The following UBR1 variants were observed in gnomAD, a reference collection of about 807,000 sequenced individuals.
The protein encoded by UBR1 is ubiquitin protein ligase E3 component n-recognin 1.
Under a neutral mutation model 242.1 loss-of-function variants are expected in UBR1, and 102 were observed. That is an observed-to-expected ratio of 0.42 (90% CI 0.36 to 0.50). The LOEUF (loss-of-function observed/expected upper bound fraction) is 0.50, where lower values mean the gene tolerates loss of function less well. Among genes scored for constraint, UBR1 ranks in the 20% least tolerant of loss-of-function variants. UBR1 has a pLI of 0.01. For missense variants in UBR1, 1,772 were observed against 2,101.8 expected, an observed-to-expected ratio of 0.84 and a Z score of 3.07; for synonymous variants, 675 against 684.8, an observed-to-expected ratio of 0.99 and a Z score of 0.22.
At chr15:42,954,139 CCT>C (rs946351510) in intron 44 of UBR1, among the ~76,000 whole-genome samples, 2 of 152,108 alleles carry the variant, frequency 1.3e-5, no homozygotes, top group African/African-American at 2.4e-5. Flanking sequence ...CCCACCTCAG[CCT>C]CCCAAAGTGC....
intron 46 of UBR1, among the ~76,000 whole-genome samples, chr15:42,946,564 C>A (rs1019868789): frequency 6.6e-6 from 1 of 152,114 alleles, no homozygotes; most frequent in Non-Finnish European, 1.5e-5. Flanking sequence ...AAATGTCATC[C>A]CAATAAAAAG....
chr15:43,045,489 C>T (rs1234705780), intron 14 of UBR1, among the ~76,000 whole-genome samples: 1 of 151,996 alleles, frequency 6.6e-6, no homozygotes, highest in Non-Finnish European at 1.5e-5. Context: ...CACACACTCA[C>T]ACACACAGAC....
intron 28 of UBR1, among the ~76,000 whole-genome samples, chr15:43,016,364 A>G (rs1364655320): frequency 2.7e-5 from 4 of 149,278 alleles, no homozygotes; most frequent in Non-Finnish European, 5.9e-5. Context: ...AATAACCACA[A>G]ATAATATTAT....
intron 5 of UBR1, among the ~76,000 whole-genome samples, chr15:43,068,993 T>C (rs1369517065): frequency 6.6e-6 from 1 of 152,260 alleles, no homozygotes; most frequent in African/African-American, 2.4e-5. Context: ...CAGATTTTAT[T>C]AACAATTAGT....
intron 19 of UBR1, among the ~76,000 whole-genome samples, chr15:43,035,655 T>G (rs1405103999): frequency 5.5e-4 from 83 of 149,654 alleles, no homozygotes; most frequent in African/African-American, 1.9e-3. Context: ...GTCAATTTTG[T>G]CTTTTGTTGC....
chr15:43,007,233 A>T lies in UBR1; in HGVS notation c.3261T>A (p.Gly1087=). ...YSRIALGPKR[G]PSVTEKEVLT... Reference sequence around the variant, plus strand: ...GCACCTCCTTTTCAGTAACAGATGGACCCCGTTTAGGACCCAAAGCAATTC... The same window carrying T: ...GCACCTCCTTTTCAGTAACAGATGGTCCCCGTTTAGGACCCAAAGCAATTC... The change falls in exon 30 of 47, where the codon GGT becomes GGA. Residue 1087 remains glycine (G), a synonymous_variant. Coordinates refer to ENST00000290650, the MANE Select transcript of UBR1 (RefSeq NM_174916.3). 1 of 1,614,022 alleles carries T rather than the reference A, an allele frequency of 6.2e-7. No homozygotes were observed. Among genetic ancestry groups the T allele is most frequent in the Non-Finnish European group, 8.5e-7 (1 of 1,180,010 alleles).
intron 3 of UBR1, among the ~76,000 whole-genome samples, chr15:43,080,461 T>C (rs1168767774): frequency 1.3e-5 from 2 of 152,224 alleles, no homozygotes; most frequent in African/African-American, 4.8e-5. Context: ...TCATACAGTA[T>C]GTAGCCTTTT....
chr15:43,060,879 A>C (rs1264844160), intron 6 of UBR1, among the ~76,000 whole-genome samples: 1 of 152,004 alleles, frequency 6.6e-6, no homozygotes, highest in Non-Finnish European at 1.5e-5. Flanking sequence ...CTTAGTACAT[A>C]AGCATAAGAA....
At position 42,984,036 on chromosome 15, in the gene UBR1, T is replaced by C; in HGVS notation, c.4054-43A>G. On this transcript the variant is annotated intron_variant, in intron 36 of 46. Coordinates refer to ENST00000290650, the MANE Select transcript of UBR1 (RefSeq NM_174916.3). ...AGGAAGATAAAAAGATGAGGGAAGA[T>C]GAGAGACCTAAGTCATCCACTTAAG... The C allele has an allele frequency of 2.7e-6, 4 of 1,508,510 alleles. No individual in the cohort carries two copies. In the East Asian group the frequency reaches 6.9e-5, roughly 26 times the overall value. 93.4% of individuals were successfully genotyped at this position (1,508,510 alleles called of 1,614,324 possible).
At chr15:42,973,009 G>A (rs1406784140) in intron 39 of UBR1, among the ~76,000 whole-genome samples, 5 of 152,186 alleles carry the variant, frequency 3.3e-5, no homozygotes, top group Non-Finnish European at 7.3e-5. Flanking sequence ...CCAGCATTTG[G>A]TGGTGTCAGT....
intron 37 of UBR1, among the ~76,000 whole-genome samples, chr15:42,981,472 G>A (rs148496875): frequency 5.5e-4 from 84 of 152,104 alleles, no homozygotes; most frequent in African/African-American, 1.8e-3. Flanking sequence ...GTCCCAAAGC[G>A]ATTTCTTTCT....
At chr15:43,104,636 T>A (rs1050281827) in intron 1 of UBR1, among the ~76,000 whole-genome samples, 1 of 152,034 alleles carries the variant, frequency 6.6e-6, no homozygotes, top group Non-Finnish European at 1.5e-5. Flanking sequence ...AGTTGACTCA[T>A]GCCGTAGCTC....
At chr15:42,990,396 T>C (rs536108741) in intron 33 of UBR1, among the ~76,000 whole-genome samples, 1 of 152,302 alleles carries the variant, frequency 6.6e-6, no homozygotes, top group South Asian at 2.1e-4. Flanking sequence ...CAGGCTGGTC[T>C]TGAACTCCTT....
At chr15:43,016,684 T>G (rs2033028697) in intron 28 of UBR1, among the ~76,000 whole-genome samples, 1 of 152,164 alleles carries the variant, frequency 6.6e-6, no homozygotes, top group Admixed American at 6.5e-5. Context: ...TCAAGTGATT[T>G]TCGTGCCTCA....
chr15:43,070,855 T>C lies in UBR1; in HGVS notation c.599A>G (p.Tyr200Cys). 1 of 1,613,906 alleles carries C rather than the reference T, an allele frequency of 6.2e-7. No homozygotes were observed. Among genetic ancestry groups the C allele is most frequent in the Non-Finnish European group, 8.5e-7 (1 of 1,179,994 alleles). ...TTCCCATATAGTCATTTCTACGACA[T>C]ATTTTATCACTGAAGGAAATATTTT... ...ARKIFPSVIK[Y>C]VVEMTIWEEE... Residue 200 changes from tyrosine (Y) to cysteine (C), a missense_variant, in exon 5 of 47, where the codon TAT (tyrosine) becomes TGT (cysteine). Tyr to Cys is a radical substitution (Grantham distance 194, BLOSUM62 -2). Coordinates refer to ENST00000290650, the MANE Select transcript of UBR1 (RefSeq NM_174916.3).
chr15:42,990,527 A>G (rs2032539721), intron 33 of UBR1, among the ~76,000 whole-genome samples: 1 of 152,238 alleles, frequency 6.6e-6, no homozygotes, highest in African/African-American at 2.4e-5. Context: ...GAATATGCTA[A>G]TAAGCAATGA....
chr15:43,013,888 G>A (rs753544695), intron 29 of UBR1, among the ~76,000 whole-genome samples: 13 of 131,766 alleles, frequency 9.9e-5, no homozygotes, highest in South Asian at 5.7e-4. Context: ...CCCTCCCCAC[G>A]GTCTCCCTCT....
intron 21 of UBR1, 100 bp from the exon 22 acceptor site, chr15:43,027,928 T>C: frequency 1.0e-6 from 1 of 980,978 alleles, no homozygotes; most frequent in Admixed American, 2.2e-5. Flanking sequence ...AAGTACTTTG[T>C]AAATAATTTT....
At chr15:42,985,702 A>C (rs1421461689) in intron 35 of UBR1, among the ~76,000 whole-genome samples, 2 of 152,030 alleles carry the variant, frequency 1.3e-5, no homozygotes, top group Non-Finnish European at 2.9e-5. Context: ...AAAAAAAGAA[A>C]ATGAGACCGG....
Sources: allele counts gnomAD v4.1 joint callset (sites outside exome capture counted in the v4.1 genomes callset), GRCh38; gene constraint gnomAD v4.1.1; transcripts MANE v1.5; gene names NCBI Gene and HGNC (gene_info 2026-07-23, HGNC 2026-07-21).